Variants in DLG5 observed in about 807,000 individuals in gnomAD.
The protein encoded by DLG5 is discs large MAGUK scaffold protein 5.
DLG5 carries 48 observed loss-of-function variants against 189.8 expected under a neutral mutation model. The observed-to-expected ratio is 0.25, with a 90% CI of 0.20 to 0.32. The LOEUF is 0.32. Ranked by LOEUF, DLG5 falls within the 10% of genes least tolerant of loss-of-function variation. The pLI is 1.00. For synonymous variants in DLG5, 1,016 were observed against 1,054.1 expected (o/e 0.96, Z 0.70); for missense variants, 2,160 against 2,544.7 (o/e 0.85, Z 3.25).
intron 22 of DLG5, 35 bp from the exon 23 acceptor site, chr10:77,811,269 A>G: frequency 6.3e-7 from 1 of 1,596,180 alleles, no homozygotes; most frequent in South Asian, 1.1e-5. Flanking sequence ...AAGGAGCAGT[A>G]CGAAGCCACC....
chr10:77,815,733 C>G (rs531248208), intron 20 of DLG5, among the ~76,000 whole-genome samples: 1 of 152,312 alleles, frequency 6.6e-6, no homozygotes, highest in East Asian at 1.9e-4. Flanking sequence ...CCTCAGCTTT[C>G]TGGACTCAAA....
At chr10:77,897,903 C>T (rs1256730380) in intron 1 of DLG5, among the ~76,000 whole-genome samples, 1 of 152,148 alleles carries the variant, frequency 6.6e-6, no homozygotes, top group East Asian at 1.9e-4. Flanking sequence ...CCCCTTGTCT[C>T]TGTGTCACTG....
chr10:77,852,996 T>C (rs992819903), intron 5 of DLG5, among the ~76,000 whole-genome samples: 1 of 152,136 alleles, frequency 6.6e-6, no homozygotes, highest in Non-Finnish European at 1.5e-5. Context: ...GTGTTTTTTT[T>C]ATCAGAGACA....
At chr10:77,859,145 G>A (rs1022405767) in intron 2 of DLG5, among the ~76,000 whole-genome samples, 2 of 152,064 alleles carry the variant, frequency 1.3e-5, no homozygotes, top group East Asian at 1.9e-4. Flanking sequence ...CAAAGTGGTC[G>A]GATTACAGGC....
chr10:77,922,565 A>G (rs1846566772), intron 1 of DLG5, among the ~76,000 whole-genome samples: 1 of 152,114 alleles, frequency 6.6e-6, no homozygotes, highest in Non-Finnish European at 1.5e-5. Flanking sequence ...TTGTAGTGGG[A>G]AGGCCTAACC....
In DLG5 at chr10:77,838,464, G is replaced by A. The variant is rs552578645; in HGVS notation, c.1438-2542C>T. The stretch of plus-strand genomic sequence containing the variant: ...GAGGATATCTCTCCCCTGGGAGCTG[G>A]GAAGAAGAAGGCGAGGGAGGCAAGG... On this transcript the variant is annotated intron_variant, in intron 7 of 31. Transcript: ENST00000372391. Among the ~76,000 whole-genome samples the A allele has an allele frequency of 2.6e-5, 4 of 152,286 alleles. No homozygotes were observed. In the South Asian group the frequency reaches 8.3e-4, roughly 32 times the overall value.
In DLG5 at chr10:77,811,205, G is replaced by A. The variant is rs760870816; in HGVS notation, c.4352C>T (p.Ser1451Phe). The A allele has an allele frequency of 4.3e-6, 7 of 1,613,272 alleles. No homozygotes were observed. The highest frequency in any genetic ancestry group is 1.3e-5 in the African/African-American group (1 of 74,836). The change falls in exon 23 of 32, where the codon TCC (serine) becomes TTC (phenylalanine). Residue 1451 changes from serine to phenylalanine, a missense_variant. Transcript: ENST00000372391. ...GGTGGTGCCACTGCCCTGGAGAGTGGAGTGGGTACCGGCAGGGTCCAGGTG... is the reference window on the plus strand; with the variant it reads ...GGTGGTGCCACTGCCCTGGAGAGTGAAGTGGGTACCGGCAGGGTCCAGGTG... ...SSHLDPAGTH[S>F]TLQGSGTTTP...
chr10:77,887,819 G>A (rs1004555150), intron 1 of DLG5, among the ~76,000 whole-genome samples: 1 of 152,172 alleles, frequency 6.6e-6, no homozygotes, highest in African/African-American at 2.4e-5. Flanking sequence ...AAACAAAGAA[G>A]AGACCTTGAG....
intron 7 of DLG5, among the ~76,000 whole-genome samples, chr10:77,837,213 T>TC (rs1843184336): frequency 2.1e-4 from 6 of 28,942 alleles, no homozygotes; most frequent in African/African-American, 1.3e-3. Context: ...AGACTCGGTC[T>TC]CAAAAAAAAA....
intron 1 of DLG5, among the ~76,000 whole-genome samples, chr10:77,914,843 C>T (rs1037533945): frequency 1.3e-5 from 2 of 152,328 alleles, no homozygotes; most frequent in East Asian, 3.9e-4. Flanking sequence ...GAAACCCCAA[C>T]TGTGGCCCAA....
chr10:77,882,896 C>T (rs1227735581), intron 1 of DLG5, among the ~76,000 whole-genome samples: 23 of 151,204 alleles, frequency 1.5e-4, no homozygotes, highest in Admixed American at 3.3e-4. Context: ...CCTGGGTGCA[C>T]TCCAGCGAAA....
upstream of DLG5, among the ~76,000 whole-genome samples, chr10:77,931,480 C>T (rs1846786087): frequency 6.6e-6 from 1 of 151,780 alleles, no homozygotes; most frequent in Non-Finnish European, 1.5e-5. Context: ...AAACTCCTGG[C>T]CTCAAGCTAT....
chr10:77,917,943 A>C (rs1846415053), intron 1 of DLG5, among the ~76,000 whole-genome samples: 2 of 151,424 alleles, frequency 1.3e-5, no homozygotes, highest in Non-Finnish European at 2.9e-5. Context: ...AGGAGAACCC[A>C]GGAGGCGGAG....
At position 77,854,277 on chromosome 10, in the gene DLG5, G is replaced by A. The variant is rs1844120563; in HGVS notation, c.630C>T (p.Thr210=). 2.5e-6 allele frequency: 4 copies of A among 1,614,200 alleles called. No individual in the cohort carries two copies. The highest frequency in any genetic ancestry group is 3.4e-6 in the Non-Finnish European group (4 of 1,180,036). Residue 210 remains threonine (T), a synonymous_variant, in exon 4 of 32, where the codon ACC becomes ACT. Transcript: ENST00000372391. ...CCTCCTCACACCTCTTCAAGGCGTTGGTGTGCTGGTTCTGCAGGCTCTGCA... is the reference window on the plus strand; with the variant it reads ...CCTCCTCACACCTCTTCAAGGCGTTAGTGTGCTGGTTCTGCAGGCTCTGCA... ...SDLQSLQNQH[T]NALKRCEEVA... is the part of the protein sequence containing the mutation.
chr10:77,812,182 T>C (rs773756488), intron 21 of DLG5, 33 bp downstream of exon 21: 3 of 1,603,436 alleles, frequency 1.9e-6, no homozygotes, highest in Non-Finnish European at 2.6e-6. Context: ...CAGGTTTCCA[T>C]GGGCGCCATG....
chr10:77,841,902 C>T lies in DLG5; in HGVS notation c.1416G>A (p.Glu472=). ...CTACCTGCCGCAGCGCCTCCATCTC[C>T]TCATTGGCCGCCTTCTTCTCAGATG... The part of the protein sequence containing the change: ...SSTSEKKAAN[E]EMEALRQIKD... Residue 472 remains glutamate (E), a synonymous_variant, in exon 7 of 32, where the codon GAG becomes GAA. Coordinates refer to ENST00000372391, the MANE Select transcript of DLG5 (RefSeq NM_004747.4). 4 of 1,610,322 alleles carry T rather than the reference C, an allele frequency of 2.5e-6. No individual in the cohort carries two copies. Among genetic ancestry groups the T allele is most frequent in the South Asian group, 2.2e-5 (2 of 91,042 alleles).
chr10:77,807,059 C>T, intron 25 of DLG5, 131 bp from the exon 26 acceptor site: 1 of 1,014,058 alleles, frequency 9.9e-7, no homozygotes, highest in Non-Finnish European at 1.4e-6. Context: ...TCAGGAATCG[C>T]CGAGGGTGGT....
At chr10:77,900,280 C>T (rs2154577848) in intron 1 of DLG5, among the ~76,000 whole-genome samples, 1 of 152,214 alleles carries the variant, frequency 6.6e-6, no homozygotes, top group South Asian at 2.1e-4. Context: ...TCTCCTGCAA[C>T]CCCTCCCTGA....
Position 77,851,703 on chromosome 10 carries a change from T to A in DLG5, c.864+1651A>T, listed in dbSNP as rs568584705. 3.9e-5 allele frequency among the ~76,000 whole-genome samples: 6 copies of A among 152,348 alleles called. No individual in the cohort carries two copies. The South Asian group carries it at 1.2e-3, about 32-fold the overall frequency. On this transcript the variant is annotated intron_variant, in intron 5 of 31. Transcript: ENST00000372391. ...CTGAGCCTGCCCTGGTTACTCCACA[T>A]AAAACCTCAATCAATATCGGAGAAA...
Sources: allele counts gnomAD v4.1 joint callset (sites outside exome capture counted in the v4.1 genomes callset), GRCh38; gene constraint gnomAD v4.1.1; transcripts MANE v1.5; gene names NCBI Gene and HGNC (gene_info 2026-07-23, HGNC 2026-07-21).